The following SUN5 variants were observed in gnomAD, a reference collection of about 807,000 sequenced individuals.
SUN5 encodes SUN domain-containing protein 5.
Under a neutral mutation model 53.7 loss-of-function variants are expected in SUN5, and 44 were observed. The ratio of observed to expected loss-of-function variants is 0.82; its 90% CI spans 0.64 to 1.05. SUN5 has a LOEUF of 1.05. Among genes scored for constraint, SUN5 ranks in the 50% least tolerant of loss-of-function variants. The probability of loss-of-function intolerance (pLI) is 0.00; values close to 1 mark genes in which losing one functional copy is unlikely to be tolerated. For synonymous variants in SUN5, 166 were observed against 179.8 expected (o/e 0.92, Z 0.62); for missense variants, 433 against 483.8 (o/e 0.90, Z 0.98).
Position 32,985,914 on chromosome 20 carries a change from C to A in SUN5, c.730-11G>T. 2 of 1,612,456 alleles carry A rather than the reference C, an allele frequency of 1.2e-6. No homozygotes were observed. Among genetic ancestry groups the A allele is most frequent in the Non-Finnish European group, 1.7e-6 (2 of 1,179,068 alleles). On this transcript the variant is annotated splice_polypyrimidine_tract_variant and intron_variant, in intron 10 of 12. Coordinates refer to ENST00000356173, the MANE Select transcript of SUN5 (RefSeq NM_080675.4). ...AGGTGTCACGTTGGGCTAGAAGAGG[C>A]AAGTACAATAAGGGATATGCTGGGT...
chr20:32,987,451 C>T (rs1050864336), intron 10 of SUN5, among the ~76,000 whole-genome samples: 4 of 151,578 alleles, frequency 2.6e-5, no homozygotes, highest in African/African-American at 7.3e-5. Flanking sequence ...CTCCTGCCCC[C>T]GCCTTCTCCC....
At chr20:32,998,446 T>C (rs4911115) in intron 5 of SUN5, among the ~76,000 whole-genome samples, 52,386 of 151,946 alleles carry the variant, frequency 0.34, 9,715 homozygotes, top group East Asian at 0.79. Flanking sequence ...CCAGCCTGGG[T>C]GACAGAGACT....
At chr20:32,996,465 C>T in intron 6 of SUN5, 107 bp from the exon 7 acceptor site, 2 of 1,009,426 alleles carry the variant, frequency 2.0e-6, no homozygotes, top group East Asian at 2.6e-5. Flanking sequence ...ATACATTCAT[C>T]CACTTTCCTG....
chr20:33,004,019 T>C (rs1990122275), intron 1 of SUN5, among the ~76,000 whole-genome samples: 1 of 152,228 alleles, frequency 6.6e-6, no homozygotes, highest in Admixed American at 6.5e-5. Flanking sequence ...CCACACCGTG[T>C]TCCCCGTCCT....
intron 11 of SUN5, 41 bp downstream of exon 11, chr20:32,985,695 T>C: frequency 6.2e-7 from 1 of 1,603,120 alleles, no homozygotes; most frequent in Non-Finnish European, 8.5e-7. Context: ...TGGAAGGTTG[T>C]CCCTTTAGCT....
intron 3 of SUN5, among the ~76,000 whole-genome samples, chr20:33,001,624 CTTT>C (rs1160823261): frequency 2.1e-4 from 25 of 121,222 alleles, no homozygotes; most frequent in South Asian, 1.4e-3. Flanking sequence ...CTTTCTTTTT[CTTT>C]TCTTTCTTTC....
At chr20:32,995,858 T>A in intron 7 of SUN5, 131 bp from the exon 8 acceptor site, 1 of 756,614 alleles carries the variant, frequency 1.3e-6, no homozygotes, top group Non-Finnish European at 2.3e-6. Context: ...GGCCCATCCC[T>A]GGACCCATTC....
At chr20:32,989,523 C>A (rs908143147) in intron 9 of SUN5, 97 bp downstream of exon 9, 5 of 1,038,886 alleles carry the variant, frequency 4.8e-6, no homozygotes, top group Middle Eastern at 4.4e-4. Context: ...AACTTCCCAG[C>A]GGCAGAGGGA....
chr20:33,000,241 T>A (rs78109895), intron 4 of SUN5, 106 bp from the exon 5 acceptor site: 52,986 of 1,306,596 alleles, frequency 0.041, 1,228 homozygotes, highest in Non-Finnish European at 0.047. Context: ...GTTTGCCCTA[T>A]CCCTTCTTCT....
Position 32,983,954 on chromosome 20 carries a change from A to G in SUN5, c.985-5T>C. The G allele has an allele frequency of 6.4e-7, 1 of 1,566,778 alleles. No individual in the cohort carries two copies. Among genetic ancestry groups the G allele is most frequent in the Admixed American group, 1.8e-5 (1 of 54,664 alleles). ...GAAAGCCCGGGCCGGCTGGTTCTGG[A>G]AGAGAATCAGTCACAGAGGCAGCTC... On this transcript the variant is annotated splice_polypyrimidine_tract_variant and splice_region_variant and intron_variant, in intron 12 of 12. Coordinates refer to ENST00000356173, the MANE Select transcript of SUN5 (RefSeq NM_080675.4).
chr20:33,001,306 T>G, intron 3 of SUN5, 28 bp from the exon 4 acceptor site: 3 of 1,560,580 alleles, frequency 1.9e-6, no homozygotes, highest in African/African-American at 1.4e-5. Context: ...AAGCAGTGAC[T>G]CACTACGCCC....
chr20:32,997,567 CTGTGGAGGTGATATTGA>C, intron 6 of SUN5, 54 bp downstream of exon 6: 1 of 1,543,496 alleles, frequency 6.5e-7, no homozygotes, highest in Non-Finnish European at 8.9e-7. Flanking sequence ...ATGAATGGAG[CTGTGGAGGTGATATTGA>C]CTGGTTAGGG....
At chr20:32,995,553 G>A (rs1039655552) in intron 8 of SUN5, 66 bp downstream of exon 8, 5 of 1,370,942 alleles carry the variant, frequency 3.6e-6, no homozygotes, top group Admixed American at 1.8e-5. Context: ...AACACTTGAG[G>A]TATAGGAAAC....
intron 5 of SUN5, among the ~76,000 whole-genome samples, chr20:32,998,194 AAAAAAT>A (rs1989904524): frequency 6.7e-6 from 1 of 150,294 alleles, no homozygotes; most frequent in African/African-American, 2.5e-5. Context: ...AAAAAAAAAA[AAAAAAT>A]ACAAAAATTA....
At chr20:32,994,711 C>A (rs1021926700) in intron 8 of SUN5, among the ~76,000 whole-genome samples, 2 of 152,076 alleles carry the variant, frequency 1.3e-5, no homozygotes, top group Admixed American at 1.3e-4. Context: ...CCAGCCAAGT[C>A]GACATGGTGA....
At chr20:32,996,185 T>C (rs1989841135) in intron 7 of SUN5, 139 bp downstream of exon 7, 3 of 769,988 alleles carry the variant, frequency 3.9e-6, no homozygotes, top group Non-Finnish European at 6.3e-6. Flanking sequence ...AGGTCAGCCA[T>C]GTAGAAGGCA....
chr20:32,986,468 C>T (rs1389269495), intron 10 of SUN5, among the ~76,000 whole-genome samples: 2 of 152,260 alleles, frequency 1.3e-5, no homozygotes, highest in East Asian at 1.9e-4. Flanking sequence ...GGCGATTACT[C>T]GGTCGGTTCT....
intron 8 of SUN5, among the ~76,000 whole-genome samples, chr20:32,993,655 A>C (rs1989763287): frequency 6.6e-6 from 1 of 152,200 alleles, no homozygotes; most frequent in African/African-American, 2.4e-5. Context: ...CCTTTGAGGG[A>C]GGGCACCGCA....
At chr20:32,994,218 T>C (rs970720448) in intron 8 of SUN5, among the ~76,000 whole-genome samples, 32 of 152,354 alleles carry the variant, frequency 2.1e-4, no homozygotes, top group Admixed American at 7.2e-4. Context: ...ACTAGCTTAG[T>C]GCATGTCTAG....
Sources: gnomAD v4.1 joint callset for allele counts (sites outside exome capture counted in the v4.1 genomes callset) on GRCh38, gnomAD v4.1.1 for gene constraint, MANE v1.5 for transcripts, NCBI Gene and HGNC (gene_info 2026-07-23, HGNC 2026-07-21) for gene names.